CDH2: variants seen among roughly 807,000 people sequenced by gnomAD.
CDH2 encodes cadherin-2.
In CDH2, 17 loss-of-function variants were observed where a neutral mutation model predicts 92.0. The observed-to-expected ratio is 0.18, with a 90% CI of 0.13 to 0.28. The LOEUF (loss-of-function observed/expected upper bound fraction) is 0.28, where lower values mean the gene tolerates loss of function less well. Among genes scored for constraint, CDH2 ranks in the 10% least tolerant of loss-of-function variants. The pLI, the probability that CDH2 is intolerant of heterozygous loss-of-function variation, is 1.00. For missense variants in CDH2, 862 were observed against 1,133.1 expected, an observed-to-expected ratio of 0.76 and a Z score of 3.44; for synonymous variants, 419 against 415.9, an observed-to-expected ratio of 1.01 and a Z score of -0.09.
intron 2 of CDH2, among the ~76,000 whole-genome samples, chr18:28,074,808 A>T (rs2014688635): frequency 6.6e-6 from 1 of 152,052 alleles, no homozygotes; most frequent in African/African-American, 2.4e-5. Flanking sequence ...ATTAAAAAAA[A>T]ATCTTGTCAA....
intron 2 of CDH2, among the ~76,000 whole-genome samples, chr18:28,106,196 C>T (rs1180769301): frequency 6.6e-6 from 1 of 152,200 alleles, no homozygotes; most frequent in Non-Finnish European, 1.5e-5. Context: ...GCTGGTGGAT[C>T]ATCTGAGGTC....
At chr18:28,097,352 A>G (rs1437757406) in intron 2 of CDH2, 1 of 141,020 alleles carries the variant, frequency 7.1e-6, no homozygotes, top group East Asian at 2.0e-4. Flanking sequence ...AAATACAGCT[A>G]TGGAGTTTTG....
chr18:28,115,644 A>C (rs889342862), intron 2 of CDH2, among the ~76,000 whole-genome samples: 2 of 152,108 alleles, frequency 1.3e-5, no homozygotes, highest in Non-Finnish European at 2.9e-5. Context: ...CACCACAACC[A>C]ATTTATTATG....
chr18:28,004,840 A>C (rs1327730980), intron 6 of CDH2, among the ~76,000 whole-genome samples: 1 of 151,866 alleles, frequency 6.6e-6, no homozygotes, highest in Non-Finnish European at 1.5e-5. Context: ...AGCTGCCCCC[A>C]CCCTACCCCT....
intron 2 of CDH2, among the ~76,000 whole-genome samples, chr18:28,085,309 ACTCT>A (rs1394845403): frequency 2.6e-5 from 4 of 150,988 alleles, no homozygotes; most frequent in East Asian, 2.0e-4. Context: ...ACAAACACAC[ACTCT>A]CTCTATCTCC....
intron 2 of CDH2, among the ~76,000 whole-genome samples, chr18:28,120,896 C>T (rs961870018): frequency 1.3e-5 from 2 of 152,082 alleles, no homozygotes; most frequent in African/African-American, 4.8e-5. Context: ...AGGGTTTCAG[C>T]CCTACTCAAG....
chr18:28,068,854 T>C (rs988984825), intron 2 of CDH2, among the ~76,000 whole-genome samples: 1 of 152,192 alleles, frequency 6.6e-6, no homozygotes, highest in Non-Finnish European at 1.5e-5. Context: ...TGAAAAGCTA[T>C]TCAATCTTCA....
chr18:28,008,563 G>T (rs891293540), intron 5 of CDH2, among the ~76,000 whole-genome samples: 3 of 152,072 alleles, frequency 2.0e-5, no homozygotes, highest in African/African-American at 7.2e-5. Context: ...CTTAGACACA[G>T]GGTGGAGAAC....
intron 2 of CDH2, among the ~76,000 whole-genome samples, chr18:28,043,490 AT>A (rs1567976472): frequency 5.0e-4 from 38 of 75,902 alleles, no homozygotes; most frequent in East Asian, 3.0e-3. Context: ...ATATATATAT[AT>A]ATAAATATAT....
chr18:28,101,590 T>A (rs1343651566), intron 2 of CDH2, among the ~76,000 whole-genome samples: 1 of 152,164 alleles, frequency 6.6e-6, no homozygotes, highest in Non-Finnish European at 1.5e-5. Context: ...TCACCAAGCT[T>A]ATTTCATACC....
In CDH2 at chr18:27,982,977, T is replaced by G; in HGVS notation, c.2316A>C (p.Lys772Asn). The G allele has an allele frequency of 6.2e-7, 1 of 1,606,150 alleles. No individual in the cohort carries two copies. Among genetic ancestry groups the G allele is most frequent in the Non-Finnish European group, 8.5e-7 (1 of 1,174,598 alleles). ...CTTCTCCTCCACCTTCTTCATCATA[T>G]TTTAAAATATTATCTCTTACATCAT... ...PEDDVRDNIL[K>N]YDEEGGGEED... The change falls in exon 14 of 16, where the codon AAA becomes AAC. Residue 772 changes from lysine (K) to asparagine (N), a missense_variant. Coordinates refer to ENST00000269141, the MANE Select transcript of CDH2 (RefSeq NM_001792.5).
chr18:28,109,059 C>G (rs1057341505), intron 2 of CDH2, among the ~76,000 whole-genome samples: 2 of 152,156 alleles, frequency 1.3e-5, no homozygotes, highest in African/African-American at 4.8e-5. Flanking sequence ...ATCTGAACCA[C>G]AGCCACCATG....
chr18:28,059,766 A>C (rs1274057535), intron 2 of CDH2, among the ~76,000 whole-genome samples: 1 of 152,204 alleles, frequency 6.6e-6, no homozygotes, highest in Non-Finnish European at 1.5e-5. Context: ...TATATGTGTA[A>C]ATGTATGTAT....
Position 27,992,668 on chromosome 18 carries a change from A to T in CDH2, c.1331T>A (p.Val444Asp). The T allele has an allele frequency of 6.2e-7, 1 of 1,612,556 alleles. No individual in the cohort carries two copies. Among genetic ancestry groups the T allele is most frequent in the Non-Finnish European group, 8.5e-7 (1 of 1,179,114 alleles). ...QTDPNSNDGL[V>D]TVVKPIDFET... ...AGGAACACTTACTTTGACCACGGTG[A>T]CTAACCCGTCGTTGCTGTTTGGGTC... The change falls in exon 9 of 16, where the codon GTC becomes GAC. Residue 444 changes from valine to aspartate, a missense_variant. By Grantham distance (152) the Val-to-Asp change is radical. Coordinates refer to ENST00000269141, the MANE Select transcript of CDH2 (RefSeq NM_001792.5).
chr18:28,062,031 T>A (rs1023247714), intron 2 of CDH2, among the ~76,000 whole-genome samples: 1 of 152,164 alleles, frequency 6.6e-6, no homozygotes, highest in African/African-American at 2.4e-5. Flanking sequence ...ACAGCCCTCA[T>A]TCCTTTTGAC....
chr18:28,019,444 T>G (rs2013347643), intron 2 of CDH2, among the ~76,000 whole-genome samples: 1 of 152,004 alleles, frequency 6.6e-6, no homozygotes, highest in Non-Finnish European at 1.5e-5. Context: ...AAGCGGGGAT[T>G]TCATAGTCAC....
At chr18:27,974,592 G>A (rs2011763348) in intron 14 of CDH2, among the ~76,000 whole-genome samples, 1 of 152,178 alleles carries the variant, frequency 6.6e-6, no homozygotes, top group South Asian at 2.1e-4. Flanking sequence ...ATGAGGTATT[G>A]CTACGCTCTG....
At chr18:28,131,678 T>TTTCTG (rs2015772308) in intron 2 of CDH2, among the ~76,000 whole-genome samples, 1 of 73,558 alleles carries the variant, frequency 1.4e-5, no homozygotes, top group South Asian at 5.7e-4. Context: ...TCAAAAAGCA[T>TTTCTG]TTGTGGTGTG....
intron 1 of CDH2, among the ~76,000 whole-genome samples, chr18:28,156,441 T>TAGCATGTCACCTTCCCAGGTAC (rs1568020408): frequency 0.2 from 5,430 of 26,828 alleles, 1,352 homozygotes; most frequent in East Asian, 0.3. Context: ...TTCCCAGGTA[T>TAGCATGTCACCTTCCCAGGTAC]AGCATGTCAC....
Sources: gnomAD v4.1 joint callset for allele counts (sites outside exome capture counted in the v4.1 genomes callset) on GRCh38, gnomAD v4.1.1 for gene constraint, MANE v1.5 for transcripts, NCBI Gene and HGNC (gene_info 2026-07-23, HGNC 2026-07-21) for gene names.